The following ARHGAP9 variants were observed in gnomAD, a reference collection of about 807,000 sequenced individuals.
ARHGAP9 encodes Rho GTPase activating protein 9.
In ARHGAP9, 76 loss-of-function variants were observed where a neutral mutation model predicts 87.3. The ratio of observed to expected loss-of-function variants is 0.87; its 90% CI spans 0.72 to 1.05. The LOEUF (loss-of-function observed/expected upper bound fraction) is 1.05. ARHGAP9 is among the 50% of genes least tolerant of loss of function. The pLI, the probability that ARHGAP9 is intolerant of heterozygous loss-of-function variation, is 0.00. For missense variants in ARHGAP9, 941 were observed against 960.5 expected (o/e 0.98, Z 0.27); for synonymous variants, 382 against 394.9 (o/e 0.97, Z 0.39).
At chr12:57,475,812 C>T (rs1326731388) in intron 10 of ARHGAP9, 21 bp downstream of exon 10, 1 of 1,612,294 alleles carries the variant, frequency 6.2e-7, no homozygotes, top group Non-Finnish European at 8.5e-7. Flanking sequence ...GAGCCTCCCT[C>T]CGGGCCTCCA....
upstream of ARHGAP9, among the ~76,000 whole-genome samples, chr12:57,482,761 T>C (rs1238266096): frequency 2.0e-5 from 3 of 152,086 alleles, no homozygotes; most frequent in Non-Finnish European, 4.4e-5. Flanking sequence ...CTACCATATA[T>C]GCCGGGCAGG....
chr12:57,478,564 C>G lies in ARHGAP9; in HGVS notation c.510G>C (p.Leu170Phe). The G allele has an allele frequency of 5.6e-6, 9 of 1,614,120 alleles. No individual in the cohort carries two copies. The highest frequency in any genetic ancestry group is 7.6e-6 in the Non-Finnish European group (9 of 1,180,020). ...PSGRSLSQED[L>F]PSEASASTAG... ...CTGTGCTGGCACTGGCTTCTGACGGCAAGTCTTCCTGGGAGAGGGATCTTC... is the reference window on the plus strand; with the variant it reads ...CTGTGCTGGCACTGGCTTCTGACGGGAAGTCTTCCTGGGAGAGGGATCTTC... Residue 170 changes from leucine to phenylalanine, a missense_variant, in exon 3 of 18, where the codon TTG becomes TTC. Physicochemically the swap from Leu to Phe is conservative, Grantham distance 22. Coordinates refer to ENST00000393791, the MANE Select transcript of ARHGAP9 (RefSeq NM_032496.4).
At chr12:57,473,972 A>T in intron 16 of ARHGAP9, 70 bp downstream of exon 16, 1 of 1,517,874 alleles carries the variant, frequency 6.6e-7, no homozygotes, top group Non-Finnish European at 8.9e-7. Context: ...AGTATAAGGG[A>T]ACCTCTATTC....
chr12:57,475,249 G>T (rs1204987309), intron 12 of ARHGAP9, 42 bp downstream of exon 12: 1 of 1,531,918 alleles, frequency 6.5e-7, no homozygotes, highest in African/African-American at 1.4e-5. Flanking sequence ...TCTGAGCCTC[G>T]CTGGAGTTTT....
Position 57,472,663 on chromosome 12 carries a change from G to C in ARHGAP9, c.2050C>G (p.Arg684Gly). The change falls in exon 18 of 18, where the codon CGC becomes GGC. Residue 684 changes from arginine (R) to glycine (G), a missense_variant. By Grantham distance (125) the Arg-to-Gly change is moderately radical. Coordinates refer to ENST00000393791, the MANE Select transcript of ARHGAP9 (RefSeq NM_032496.4). ...CRVIAHSDKNRMTPHNLGIVF... is the reference protein window; with the variant it reads ...CRVIAHSDKNGMTPHNLGIVF... ...ATTCCCAGGTTGTGGGGTGTCATGC[G>C]ATTCTTATCTGAGTGTGCTATCACC... The C allele has an allele frequency of 6.2e-7, 1 of 1,614,198 alleles. No homozygotes were observed.
At chr12:57,480,733 T>A, upstream of ARHGAP9, 1 of 1,533,786 alleles carries the variant, frequency 6.5e-7, no homozygotes, top group African/African-American at 1.4e-5. Flanking sequence ...TGACCTTCCC[T>A]GGATTACCAG....
intron 1 of ARHGAP9, chr12:57,488,506 C>A: frequency 1.4e-6 from 2 of 1,452,346 alleles, no homozygotes; most frequent in Middle Eastern, 1.7e-4. Context: ...CAGGCATCCC[C>A]CTCTGCTCTT....
chr12:57,478,623 T>G lies in ARHGAP9; in HGVS notation c.451A>C (p.Ser151Arg), dbSNP rs1565627563. The G allele has an allele frequency of 6.2e-7, 1 of 1,614,076 alleles. No individual in the cohort carries two copies. Among genetic ancestry groups the G allele is most frequent in the South Asian group, 1.1e-5 (1 of 91,080 alleles). Reference sequence around the variant, plus strand: ...CCTTCCTGGAAAGGCTTCAGAAGGCTGGGGCTCAGATTGTCAGTGCTGACG... The same window carrying G: ...CCTTCCTGGAAAGGCTTCAGAAGGCGGGGGCTCAGATTGTCAGTGCTGACG... ...RSVSTDNLSP[S>R]LLKPFQEGPS... The change falls in exon 3 of 18, where the codon AGC becomes CGC. Residue 151 changes from serine to arginine, a missense_variant. Transcript: ENST00000393791.
At chr12:57,480,088 T>C, upstream of ARHGAP9, 1 of 985,252 alleles carries the variant, frequency 1.0e-6, no homozygotes, top group Middle Eastern at 5.2e-4. Context: ...ACCCTCCCAA[T>C]CCAGGACACG....
Position 57,472,506 on chromosome 12 carries a change from C to G in ARHGAP9, c.*11G>C. 6.2e-7 allele frequency: 1 copy of G among 1,613,378 alleles called. No individual in the cohort carries two copies. Among genetic ancestry groups the G allele is most frequent in the Non-Finnish European group, 8.5e-7 (1 of 1,179,456 alleles). Reference sequence around the variant, plus strand: ...GACCGGAAATATGTTTTCTCTTCTTCCTTCCCTGCATCAGGGGAAGAGGCT... The same window carrying G: ...GACCGGAAATATGTTTTCTCTTCTTGCTTCCCTGCATCAGGGGAAGAGGCT... On this transcript the variant is annotated 3_prime_UTR_variant, in exon 18 of 18. Transcript: ENST00000393791.
Position 57,479,753 on chromosome 12 carries a change from C to T in ARHGAP9, c.-42G>A. The T allele has an allele frequency of 6.4e-7, 1 of 1,550,578 alleles. No homozygotes were observed. Among genetic ancestry groups the T allele is most frequent in the Non-Finnish European group, 8.7e-7 (1 of 1,146,940 alleles). On this transcript the variant is annotated 5_prime_UTR_variant, in exon 1 of 18. Coordinates refer to ENST00000393791, the MANE Select transcript of ARHGAP9 (RefSeq NM_032496.4). ...ACCTTGTGGGGCCCATCAGAAGATT[C>T]AGGAGCAGGAGTTGGTCCTGGGTAG...
intron 1 of ARHGAP9, chr12:57,487,854 A>C (rs908186261): frequency 8.1e-6 from 2 of 248,150 alleles, no homozygotes; most frequent in Admixed American, 5.5e-5. Context: ...CTCTCACAAA[A>C]AAAAAAAAAA....
At chr12:57,482,544 AT>A (rs958204696), upstream of ARHGAP9, among the ~76,000 whole-genome samples, 1 of 151,830 alleles carries the variant, frequency 6.6e-6, no homozygotes. Flanking sequence ...CTGGCCAAAA[AT>A]TTTTTTTAGT....
rs771901213 is a variant in ARHGAP9 at position 57,476,638 on chromosome 12, G to C, written c.977C>G (p.Ser326Trp). ...AATCTTGGTCATGTTGAGCAGACCC[G>C]ACTTTTCCACCTCCTGGGAAGTGGA... ...LLDDPHEVEK[S>W]GLLNMTKIAQ... The change falls in exon 7 of 18, where the codon TCG becomes TGG. Residue 326 changes from serine to tryptophan, a missense_variant. Physicochemically the swap from Ser to Trp is radical, Grantham distance 177. Transcript: ENST00000393791. 1.2e-6 allele frequency: 2 copies of C among 1,613,750 alleles called. No individual in the cohort carries two copies. The highest frequency in any genetic ancestry group is 3.3e-5 in the Admixed American group (2 of 59,972).
chr12:57,483,902 T>G (rs1333911374), upstream of ARHGAP9: 1 of 453,810 alleles, frequency 2.2e-6, no homozygotes, highest in South Asian at 1.6e-5. Flanking sequence ...TACCTGGGTG[T>G]GCTGGCCCAG....
chr12:57,475,724 C>A, intron 10 of ARHGAP9, 109 bp from the exon 11 acceptor site: 1 of 1,509,940 alleles, frequency 6.6e-7, no homozygotes, highest in Non-Finnish European at 8.9e-7. Context: ...GGCAAGGGCT[C>A]TCCACTGAGC....
chr12:57,475,228 G>C, intron 12 of ARHGAP9, 63 bp downstream of exon 12: 1 of 1,474,422 alleles, frequency 6.8e-7, no homozygotes, highest in Non-Finnish European at 9.2e-7. Flanking sequence ...TCTAGTTCTG[G>C]GAAGCTCTAC....
upstream of ARHGAP9, chr12:57,480,701 C>G: frequency 7.1e-7 from 1 of 1,403,044 alleles, no homozygotes; most frequent in African/African-American, 1.4e-5. Flanking sequence ...ATGCCAGCTT[C>G]TCCTTGGTGG....
At chr12:57,488,583 AAC>A (rs759654369) in intron 1 of ARHGAP9, 19 of 1,547,060 alleles carry the variant, frequency 1.2e-5, no homozygotes, top group Middle Eastern at 1.7e-4. Context: ...CTCCCCTCCT[AAC>A]ACACACACAC....
Sources: gnomAD v4.1 joint callset for allele counts (sites outside exome capture counted in the v4.1 genomes callset) on GRCh38, gnomAD v4.1.1 for gene constraint, MANE v1.5 for transcripts, NCBI Gene and HGNC (gene_info 2026-07-23, HGNC 2026-07-21) for gene names.